LAMA2: variants seen among roughly 807,000 people sequenced by gnomAD.
LAMA2 encodes laminin subunit alpha 2.
Under a neutral mutation model 364.8 loss-of-function variants are expected in LAMA2, and 269 were observed. The observed-to-expected ratio is 0.74, with a 90% CI of 0.67 to 0.82. The LOEUF is 0.82. LAMA2 is among the 40% of genes least tolerant of loss of function. The pLI is 0.00. For missense variants in LAMA2, 3,807 were observed against 3,873.2 expected, an observed-to-expected ratio of 0.98 and a Z score of 0.45; for synonymous variants, 1,379 against 1,370.6, an observed-to-expected ratio of 1.01 and a Z score of -0.14.
intron 1 of LAMA2, among the ~76,000 whole-genome samples, chr6:128,909,327 G>A (rs1777723193): frequency 6.6e-6 from 1 of 151,962 alleles, no homozygotes; most frequent in African/African-American, 2.4e-5. Context: ...CTCCTGTGTT[G>A]GGTGCGTATA....
At chr6:129,458,541 CAAG>C (rs1320068666) in intron 48 of LAMA2, among the ~76,000 whole-genome samples, 1 of 151,820 alleles carries the variant, frequency 6.6e-6, no homozygotes, top group Non-Finnish European at 1.5e-5. Flanking sequence ...TTTCAGGATG[CAAG>C]AAGAAGCAAA....
intron 1 of LAMA2, among the ~76,000 whole-genome samples, chr6:128,915,700 A>T (rs1281871008): frequency 6.6e-6 from 1 of 152,192 alleles, no homozygotes; most frequent in Non-Finnish European, 1.5e-5. Context: ...TGTGAAATAC[A>T]TTGTCTGATA....
chr6:129,149,148 A>G (rs761750198), intron 7 of LAMA2, 52 bp downstream of exon 7: 3 of 1,143,050 alleles, frequency 2.6e-6, no homozygotes, highest in South Asian at 2.5e-5. Flanking sequence ...TCCAAGAAAA[A>G]AAGCCAGTAA....
intron 1 of LAMA2, among the ~76,000 whole-genome samples, chr6:128,981,124 CACTT>C (rs1360140826): frequency 2.0e-5 from 3 of 152,090 alleles, no homozygotes; most frequent in Non-Finnish European, 2.9e-5. Flanking sequence ...CTCACAGTCA[CACTT>C]AATTAATTGA....
chr6:129,105,088 T>C lies in LAMA2; in HGVS notation c.639+6673T>C, dbSNP rs577889927. On this transcript the variant is annotated intron_variant, in intron 4 of 64. Transcript: ENST00000421865. ...TAGAAGGGCAATTTTCTATCATCAA[T>C]GCCAAGAGAAGGCTCAGCAGGGACC... Among the ~76,000 whole-genome samples the C allele has an allele frequency of 9.0e-4, 137 of 152,298 alleles. 1 individual carries two copies. Among genetic ancestry groups the C allele is most frequent in the African/African-American group, 3.2e-3 (132 of 41,566 alleles).
At chr6:129,438,511 TA>T in intron 41 of LAMA2, 134 bp from the exon 42 acceptor site, 1 of 578,870 alleles carries the variant, frequency 1.7e-6, no homozygotes. Context: ...TATTTATGTA[TA>T]GATGCCAATA....
chr6:128,899,613 CT>C lies in LAMA2; in HGVS notation c.112+16257del, dbSNP rs201825539. Among the ~76,000 whole-genome samples the C allele has an allele frequency of 5.9e-3, 899 of 152,232 alleles. 8 individuals carry two copies. The highest frequency in any genetic ancestry group is 0.02 in the African/African-American group (845 of 41,526). On this transcript the variant is annotated intron_variant, in intron 1 of 64. Transcript: ENST00000421865. Reference sequence around the variant, plus strand: ...AACATTTTATGTGTACTTTTTCCCCCTGATCCTTTTATAGTATGAATGAATG... The same window carrying C: ...AACATTTTATGTGTACTTTTTCCCCCGATCCTTTTATAGTATGAATGAATG...
chr6:129,160,215 A>T (rs1779367163), intron 8 of LAMA2, among the ~76,000 whole-genome samples: 1 of 152,106 alleles, frequency 6.6e-6, no homozygotes, highest in African/African-American at 2.4e-5. Context: ...TAGTGAAACT[A>T]TCTGAGTCTC....
At chr6:128,916,941 C>G (rs1778354959) in intron 1 of LAMA2, among the ~76,000 whole-genome samples, 1 of 152,132 alleles carries the variant, frequency 6.6e-6, no homozygotes, top group Non-Finnish European at 1.5e-5. Flanking sequence ...GAAGTGGAAA[C>G]TTTTAAGCAT....
At chr6:128,894,684 A>T (rs533911286) in intron 1 of LAMA2, among the ~76,000 whole-genome samples, 1 of 152,234 alleles carries the variant, frequency 6.6e-6, no homozygotes, top group African/African-American at 2.4e-5. Flanking sequence ...AAATTTAATC[A>T]TTGTTACTAC....
chr6:128,925,738 C>A (rs765969295), intron 1 of LAMA2, among the ~76,000 whole-genome samples: 3 of 152,172 alleles, frequency 2.0e-5, no homozygotes, highest in Non-Finnish European at 4.4e-5. Context: ...ACAGAGAAAA[C>A]CAATGTCTTT....
intron 10 of LAMA2, among the ~76,000 whole-genome samples, chr6:129,181,607 G>A (rs1329492405): frequency 6.6e-6 from 1 of 151,812 alleles, no homozygotes; most frequent in Non-Finnish European, 1.5e-5. Context: ...AACAAGAGAT[G>A]AGAAACTGCA....
intron 1 of LAMA2, among the ~76,000 whole-genome samples, chr6:129,045,624 T>C (rs1244547485): frequency 1.3e-5 from 2 of 152,266 alleles, no homozygotes; most frequent in African/African-American, 4.8e-5. Flanking sequence ...AATCAATGTT[T>C]CTTGTACTCT....
intron 12 of LAMA2, among the ~76,000 whole-genome samples, chr6:129,200,106 G>A (rs113971953): frequency 0.22 from 23,914 of 109,474 alleles, 2,744 homozygotes; most frequent in African/African-American, 0.3. Flanking sequence ...GTGTATATGT[G>A]TACACGTATA....
chr6:128,955,243 T>A (rs866759215), intron 1 of LAMA2, among the ~76,000 whole-genome samples: 3 of 152,086 alleles, frequency 2.0e-5, no homozygotes, highest in Middle Eastern at 3.4e-3. Context: ...CCAGGAAATG[T>A]CCTGAACTCT....
At chr6:128,903,658 A>G (rs1777227059) in intron 1 of LAMA2, among the ~76,000 whole-genome samples, 1 of 152,212 alleles carries the variant, frequency 6.6e-6, no homozygotes, top group Non-Finnish European at 1.5e-5. Flanking sequence ...AAGCTTCTTT[A>G]TCCTCTGCTT....
At chr6:129,293,031 G>C (rs924911417) in intron 20 of LAMA2, 31 of 985,802 alleles carry the variant, frequency 3.1e-5, no homozygotes, top group Non-Finnish European at 3.6e-5. Flanking sequence ...CAGCTCCAGC[G>C]GGTGCCCTCG....
Position 129,349,274 on chromosome 6 carries a change from G to T in LAMA2, c.4437-24G>T, listed in dbSNP as rs376449109. The T allele has an allele frequency of 6.3e-6, 10 of 1,589,204 alleles. 1 individual carries two copies. In the South Asian group the frequency reaches 9.9e-5, roughly 16 times the overall value. On this transcript the variant is annotated intron_variant, in intron 30 of 64. Coordinates refer to ENST00000421865, the MANE Select transcript of LAMA2 (RefSeq NM_000426.4). ...AAAATAAATGGATTAAACTTTTTTT[G>T]CAATCCTTTTCTTTCTGATTCAGTT...
chr6:129,305,522 A>G (rs942822299), intron 22 of LAMA2, among the ~76,000 whole-genome samples: 2 of 151,950 alleles, frequency 1.3e-5, no homozygotes, highest in Admixed American at 1.3e-4. Context: ...ATGAGATCTC[A>G]CTATATTGCC....
Sources: gnomAD v4.1 joint callset for allele counts (sites outside exome capture counted in the v4.1 genomes callset) on GRCh38, gnomAD v4.1.1 for gene constraint, MANE v1.5 for transcripts, NCBI Gene and HGNC (gene_info 2026-07-23, HGNC 2026-07-21) for gene names.